The following NCAM2 variants were observed in gnomAD, a reference collection of about 807,000 sequenced individuals.
NCAM2 encodes N-CAM-2.
Under a neutral mutation model 98.1 loss-of-function variants are expected in NCAM2, and 30 were observed. The observed-to-expected ratio is 0.31, with a 90% CI of 0.23 to 0.41. The LOEUF is 0.41. Ranked by LOEUF, NCAM2 falls within the 10% of genes least tolerant of loss-of-function variation. NCAM2 has a pLI of 1.00. For synonymous variants in NCAM2, 368 were observed against 342.4 expected (o/e 1.07, Z -0.83); for missense variants, 867 against 1,005.8 (o/e 0.86, Z 1.87).
intron 1 of NCAM2, among the ~76,000 whole-genome samples, chr21:21,229,822 C>T (rs1455083116): frequency 6.6e-6 from 1 of 151,206 alleles, no homozygotes; most frequent in East Asian, 1.9e-4. Context: ...TTTCATGAAC[C>T]AAAAATATAT....
intron 1 of NCAM2, among the ~76,000 whole-genome samples, chr21:21,195,541 G>A (rs2068973873): frequency 6.6e-6 from 1 of 151,998 alleles, no homozygotes; most frequent in Admixed American, 6.6e-5. Flanking sequence ...ATCATCCCAA[G>A]GGCATAAAAC....
At chr21:21,482,303 C>A (rs954299326) in intron 15 of NCAM2, among the ~76,000 whole-genome samples, 6 of 151,760 alleles carry the variant, frequency 4.0e-5, no homozygotes, top group Admixed American at 1.3e-4. Flanking sequence ...TATATATTTG[C>A]AAAATATGAA....
At chr21:21,131,064 T>G (rs1334635665) in intron 1 of NCAM2, among the ~76,000 whole-genome samples, 1 of 152,150 alleles carries the variant, frequency 6.6e-6, no homozygotes, top group Non-Finnish European at 1.5e-5. Context: ...CATGTGAGAA[T>G]GAAAAGGAAT....
At chr21:21,024,569 A>G (rs536837593) in intron 1 of NCAM2, among the ~76,000 whole-genome samples, 1 of 152,290 alleles carries the variant, frequency 6.6e-6, no homozygotes, top group South Asian at 2.1e-4. Context: ...TTAAGTAGAA[A>G]AAAACTTTAA....
chr21:21,313,091 T>C (rs1348655326), intron 5 of NCAM2, among the ~76,000 whole-genome samples: 1 of 151,970 alleles, frequency 6.6e-6, no homozygotes, highest in East Asian at 1.9e-4. Flanking sequence ...AATCCTGATA[T>C]TGGCAATATG....
intron 12 of NCAM2, among the ~76,000 whole-genome samples, chr21:21,463,133 G>C (rs1231083520): frequency 1.3e-5 from 2 of 152,024 alleles, no homozygotes; most frequent in African/African-American, 4.8e-5. Flanking sequence ...TTTCCAAGTG[G>C]TAGTTTTCTT....
intron 16 of NCAM2, among the ~76,000 whole-genome samples, chr21:21,530,833 A>C (rs915285458): frequency 2.0e-5 from 3 of 151,994 alleles, no homozygotes; most frequent in Non-Finnish European, 4.4e-5. Context: ...GTAAATATAC[A>C]GTAAGATACT....
intron 1 of NCAM2, among the ~76,000 whole-genome samples, chr21:21,027,019 G>T (rs1005275050): frequency 6.6e-6 from 1 of 151,676 alleles, no homozygotes; most frequent in Non-Finnish European, 1.5e-5. Context: ...ATTGCCACCC[G>T]ACCAATTTTT....
chr21:21,153,966 G>C (rs1043573679), intron 1 of NCAM2, among the ~76,000 whole-genome samples: 2 of 151,662 alleles, frequency 1.3e-5, no homozygotes, highest in African/African-American at 4.8e-5. Context: ...TATTTTTCTT[G>C]GTTAAATATA....
At chr21:21,264,556 AT>A (rs2072050944) in intron 1 of NCAM2, among the ~76,000 whole-genome samples, 1 of 151,788 alleles carries the variant, frequency 6.6e-6, no homozygotes, top group South Asian at 2.1e-4. Context: ...TATGTTTATA[AT>A]AGCACTATTC....
chr21:21,503,789 C>T (rs1462070014), intron 15 of NCAM2, among the ~76,000 whole-genome samples: 1 of 151,764 alleles, frequency 6.6e-6, no homozygotes, highest in Non-Finnish European at 1.5e-5. Flanking sequence ...GAAAATGCAG[C>T]TCAGAGGGAA....
intron 1 of NCAM2, among the ~76,000 whole-genome samples, chr21:21,073,919 G>A (rs946405035): frequency 5.3e-5 from 8 of 152,150 alleles, no homozygotes; most frequent in African/African-American, 1.9e-4. Flanking sequence ...CTCTGATTGA[G>A]GATTTAAAGT....
Position 21,432,109 on chromosome 21 carries a change from C to T in NCAM2, c.1482C>T (p.Asp494=), listed in dbSNP as rs199571975. Residue 494 remains aspartate, a splice_region_variant and synonymous_variant, in exon 12 of 18, where the codon GAC becomes GAT. Transcript: ENST00000400546. ...RFQEYILALA[D]VPSSPYGVKI... ...TTCTTTATATTTCTTTGTCCATAGA[C>T]GTGCCATCCAGTCCCTATGGAGTGA... 4.2e-4 allele frequency: 682 copies of T among 1,612,914 alleles called. 4 individuals are homozygous for T. The highest frequency in any genetic ancestry group is 2.0e-3 in the South Asian group (180 of 90,994).
chr21:21,290,695 C>T (rs977375625), intron 4 of NCAM2, among the ~76,000 whole-genome samples: 1 of 151,784 alleles, frequency 6.6e-6, no homozygotes, highest in Non-Finnish European at 1.5e-5. Context: ...CATTTTCACC[C>T]CTGATTAGTT....
intron 16 of NCAM2, among the ~76,000 whole-genome samples, chr21:21,532,450 TACTA>T (rs917871970): frequency 3.9e-4 from 59 of 152,266 alleles, no homozygotes; most frequent in African/African-American, 5.1e-4. Flanking sequence ...TTGTAAAGGC[TACTA>T]ACTAACCATT....
chr21:21,201,495 C>T (rs1303893981), intron 1 of NCAM2, among the ~76,000 whole-genome samples: 1 of 152,074 alleles, frequency 6.6e-6, no homozygotes, highest in African/African-American at 2.4e-5. Flanking sequence ...TTCTGACAAA[C>T]TAAAGGACAA....
At chr21:21,535,708 C>T (rs1031396447) in intron 17 of NCAM2, among the ~76,000 whole-genome samples, 4 of 152,024 alleles carry the variant, frequency 2.6e-5, no homozygotes, top group Non-Finnish European at 5.9e-5. Context: ...CTACATTCTT[C>T]ACTTTAGAAA....
At position 21,083,037 on chromosome 21, in the gene NCAM2, A is replaced by G. The variant is rs1183546316; in HGVS notation, c.55+84419A>G. Among the ~76,000 whole-genome samples the G allele has an allele frequency of 3.9e-5, 6 of 152,226 alleles. No individual in the cohort carries two copies. In the South Asian group the frequency reaches 6.2e-4, roughly 16 times the overall value. ...CTATCAAAGCATTTGTCAGAACAGA[A>G]TATCTCTGTAAATTTGTCTCTCTTG... On this transcript the variant is annotated intron_variant, in intron 1 of 17. Coordinates refer to ENST00000400546, the MANE Select transcript of NCAM2 (RefSeq NM_004540.5).
rs553659504 is a variant in NCAM2, at chr21:21,106,599, G to T, written c.55+107981G>T. Among the ~76,000 whole-genome samples, 369 of 151,580 alleles carry T rather than the reference G, an allele frequency of 2.4e-3. 1 individual carries two copies. Among genetic ancestry groups the T allele is most frequent in the Non-Finnish European group, 4.3e-3 (293 of 67,872 alleles). The stretch of plus-strand genomic sequence containing the variant: ...TTATAGTAATAATTTTAGATCCTTT[G>T]TAGTCTTTATGCTTACATCTTTAGG... On this transcript the variant is annotated intron_variant, in intron 1 of 17. Transcript: ENST00000400546.
Sources: gnomAD v4.1 joint callset for allele counts (sites outside exome capture counted in the v4.1 genomes callset) on GRCh38, gnomAD v4.1.1 for gene constraint, MANE v1.5 for transcripts, NCBI Gene and HGNC (gene_info 2026-07-23, HGNC 2026-07-21) for gene names.